ASTN2: variants seen among roughly 807,000 people sequenced by gnomAD.
The protein encoded by ASTN2 is astrotactin-2.
A neutral mutation model predicts 139.8 loss-of-function variants in ASTN2; 54 were observed. That is an observed-to-expected ratio of 0.39 (90% CI 0.31 to 0.48). The LOEUF (loss-of-function observed/expected upper bound fraction) is 0.48, where lower values mean the gene tolerates loss of function less well. Ranked by LOEUF, ASTN2 falls within the 20% of genes least tolerant of loss-of-function variation. The probability of loss-of-function intolerance (pLI) is 0.95; values close to 1 mark genes in which losing one functional copy is unlikely to be tolerated. For synonymous variants in ASTN2, 756 were observed against 719.5 expected, an observed-to-expected ratio of 1.05 and a Z score of -0.81; for missense variants, 1,565 against 1,725.1, an observed-to-expected ratio of 0.91 and a Z score of 1.64.
At chr9:116,983,241 C>G (rs1359862279) in intron 7 of ASTN2, among the ~76,000 whole-genome samples, 1 of 152,190 alleles carries the variant, frequency 6.6e-6, no homozygotes, top group Non-Finnish European at 1.5e-5. Context: ...CTCTTCACCT[C>G]TGTAGCTCTG....
chr9:117,145,118 A>C (rs1334360772), intron 3 of ASTN2, among the ~76,000 whole-genome samples: 1 of 152,108 alleles, frequency 6.6e-6, no homozygotes, highest in Admixed American at 6.5e-5. Context: ...CTTGATAGGG[A>C]GTTTTTCTAT....
chr9:117,304,253 C>T lies in ASTN2; in HGVS notation c.443-12740G>A, dbSNP rs1047268642. 2.6e-5 allele frequency among the ~76,000 whole-genome samples: 4 copies of T among 152,216 alleles called. No homozygotes were observed. In the East Asian group the frequency reaches 5.8e-4, roughly 22 times the overall value. On this transcript the variant is annotated intron_variant, in intron 1 of 22. Coordinates refer to ENST00000313400, the MANE Select transcript of ASTN2 (RefSeq NM_001365068.1). ...ACAGCAATAGCTAACTGGAAGATGC[C>T]GCCTCCTTTATGCAGCATCCCCCCT...
intron 19 of ASTN2, among the ~76,000 whole-genome samples, chr9:116,537,714 T>A (rs1229399327): frequency 6.6e-6 from 1 of 152,276 alleles, no homozygotes; most frequent in African/African-American, 2.4e-5. Flanking sequence ...CCACTGACTA[T>A]CATAGAATCA....
chr9:116,533,527 A>T (rs1475649396), intron 19 of ASTN2, among the ~76,000 whole-genome samples: 2 of 152,112 alleles, frequency 1.3e-5, no homozygotes, highest in African/African-American at 4.8e-5. Context: ...TATTTTCAGA[A>T]ATGTCCCATC....
intron 1 of ASTN2, among the ~76,000 whole-genome samples, chr9:117,339,447 C>G (rs1004163637): frequency 1.3e-5 from 2 of 152,172 alleles, no homozygotes; most frequent in Non-Finnish European, 2.9e-5. Context: ...CACACACACA[C>G]AGTCCGCTGC....
chr9:117,261,835 C>G (rs1833829341), intron 2 of ASTN2, among the ~76,000 whole-genome samples: 2 of 152,112 alleles, frequency 1.3e-5, no homozygotes, highest in Non-Finnish European at 2.9e-5. Context: ...TTTTGCTTTT[C>G]TCAAAGCAAA....
At chr9:117,244,321 T>C (rs958102023) in intron 2 of ASTN2, among the ~76,000 whole-genome samples, 1 of 152,184 alleles carries the variant, frequency 6.6e-6, no homozygotes, top group African/African-American at 2.4e-5. Context: ...GGTGGCTATA[T>C]TCTGGCCACT....
intron 17 of ASTN2, among the ~76,000 whole-genome samples, chr9:116,639,114 G>T (rs547204852): frequency 2.0e-5 from 3 of 152,326 alleles, no homozygotes; most frequent in African/African-American, 7.2e-5. Context: ...CTTTGTGTAT[G>T]TTATGCTTTT....
chr9:116,753,802 T>C (rs973989891), intron 13 of ASTN2, among the ~76,000 whole-genome samples: 1 of 148,256 alleles, frequency 6.7e-6, no homozygotes, highest in Non-Finnish European at 1.5e-5. Context: ...TTTTTTTTAT[T>C]ATTATACTTT....
Position 116,820,652 on chromosome 9 carries a change from G to A in ASTN2, c.2172C>T (p.Tyr724=), listed in dbSNP as rs749548065. 7.4e-6 allele frequency: 12 copies of A among 1,614,168 alleles called. No individual in the cohort carries two copies. The South Asian group carries it at 9.9e-5, about 13-fold the overall frequency. The change falls in exon 12 of 23, where the codon TAC becomes TAT. Residue 724 remains tyrosine, a synonymous_variant. Transcript: ENST00000313400. The stretch of plus-strand genomic sequence containing the variant: ...TGAAGATGGTGCTCGAAGTGGCATC[G>A]TAGGGCAGGGGCAGCGTCTGCTGCA... The part of the protein sequence containing the change: ...LCLQQTLPLP[Y]DATSSTIFMF...
intron 17 of ASTN2, among the ~76,000 whole-genome samples, chr9:116,647,916 T>C (rs899736237): frequency 1.3e-5 from 2 of 152,098 alleles, no homozygotes; most frequent in African/African-American, 4.8e-5. Flanking sequence ...CCTTGAGCGC[T>C]TGATGCGCTC....
chr9:117,033,962 G>A (rs758222704), intron 6 of ASTN2, among the ~76,000 whole-genome samples: 2 of 152,114 alleles, frequency 1.3e-5, no homozygotes, highest in Non-Finnish European at 2.9e-5. Context: ...TTCCTTCAAC[G>A]CTTGTTATTG....
intron 10 of ASTN2, 40 bp from the exon 11 acceptor site, chr9:116,863,773 G>T: frequency 6.5e-7 from 1 of 1,547,488 alleles, no homozygotes; most frequent in Non-Finnish European, 8.8e-7. Flanking sequence ...AGAGACATTT[G>T]GATCCTTAGA....
intron 20 of ASTN2, among the ~76,000 whole-genome samples, chr9:116,466,209 C>T (rs1439051404): frequency 2.6e-5 from 4 of 152,140 alleles, no homozygotes; most frequent in Admixed American, 2.6e-4. Flanking sequence ...TGGTCCAGGG[C>T]TCCTTATGCT....
chr9:116,610,496 C>T (rs938823449), intron 19 of ASTN2, among the ~76,000 whole-genome samples: 3 of 152,008 alleles, frequency 2.0e-5, no homozygotes, highest in African/African-American at 2.4e-5. Flanking sequence ...CTCAGCTACT[C>T]AGGAGGCTAA....
chr9:116,803,522 A>ATATTTT (rs1554748694), intron 13 of ASTN2, among the ~76,000 whole-genome samples: 8 of 21,130 alleles, frequency 3.8e-4, no homozygotes, highest in South Asian at 1.8e-3. Flanking sequence ...ATATATATAT[A>ATATTTT]TTTTTTTTTT....
chr9:117,414,983 C>T lies in ASTN2; in HGVS notation c.-45G>A. 2 of 215,260 alleles carry T rather than the reference C, an allele frequency of 9.3e-6. No individual in the cohort carries two copies. Among genetic ancestry groups the T allele is most frequent in the Non-Finnish European group, 1.7e-5 (2 of 117,998 alleles). The allele number at this position is 215,260 out of a possible 1,614,324, so 13.3% of individuals were successfully genotyped here. Reference sequence around the variant, plus strand: ...CTGCGGGCGGCGGCGGCGGTGGCGGCGGTGGCGAAGGAGGAAGAGGAGGCA... The same window carrying T: ...CTGCGGGCGGCGGCGGCGGTGGCGGTGGTGGCGAAGGAGGAAGAGGAGGCA... On this transcript the variant is annotated 5_prime_UTR_variant, in exon 1 of 23. Transcript: ENST00000313400. This position sits in a 1 kb window ranked among gnomAD's most constrained non-coding sequence, Gnocchi z 4.2.
At chr9:116,911,790 G>A (rs1349886549) in intron 10 of ASTN2, among the ~76,000 whole-genome samples, 1 of 152,126 alleles carries the variant, frequency 6.6e-6, no homozygotes, top group African/African-American at 2.4e-5. Flanking sequence ...TGTTGTCTGG[G>A]AGGCTGAGGC....
chr9:116,718,373 G>A (rs891361773), intron 16 of ASTN2, among the ~76,000 whole-genome samples: 2 of 152,170 alleles, frequency 1.3e-5, no homozygotes, highest in African/African-American at 4.8e-5. Flanking sequence ...GAGCCCTGAG[G>A]CCATGGGAAG....
Sources: allele counts gnomAD v4.1 joint callset (sites outside exome capture counted in the v4.1 genomes callset), GRCh38; gene constraint gnomAD v4.1.1; non-coding constraint Gnocchi (gnomAD v3.1); transcripts MANE v1.5; gene names NCBI Gene and HGNC (gene_info 2026-07-23, HGNC 2026-07-21).